Variants in PCDH15 observed in about 807,000 individuals in gnomAD.
PCDH15 encodes the protein protocadherin-15.
A neutral mutation model predicts 178.5 loss-of-function variants in PCDH15; 129 were observed. That is an observed-to-expected ratio of 0.72 (90% CI 0.63 to 0.84). PCDH15 has a LOEUF of 0.84. Ranked by LOEUF, PCDH15 falls within the 40% of genes least tolerant of loss-of-function variation. PCDH15 has a pLI of 0.00. For synonymous variants in PCDH15, 800 were observed against 732.0 expected (o/e 1.09, Z -1.50); for missense variants, 2,230 against 2,099.9 (o/e 1.06, Z -1.21).
intron 2 of PCDH15, among the ~76,000 whole-genome samples, chr10:55,578,511 G>A (rs1298130598): frequency 6.6e-6 from 1 of 152,188 alleles, no homozygotes; most frequent in South Asian, 2.1e-4. Context: ...AAGCCACTGC[G>A]CCCGGCCTGA....
intron 26 of PCDH15, among the ~76,000 whole-genome samples, chr10:53,894,959 G>A (rs894604108): frequency 3.9e-5 from 6 of 152,178 alleles, no homozygotes; most frequent in Admixed American, 1.3e-4. Flanking sequence ...CAGAATGCCA[G>A]GCTGTAAATT....
chr10:55,560,145 T>G (rs1564454360), intron 2 of PCDH15, among the ~76,000 whole-genome samples: 1 of 151,938 alleles, frequency 6.6e-6, no homozygotes, highest in Non-Finnish European at 1.5e-5. Context: ...TTTAGAAATT[T>G]GAATTAAATT....
At chr10:55,426,789 G>A (rs562263492) in intron 2 of PCDH15, among the ~76,000 whole-genome samples, 1 of 152,264 alleles carries the variant, frequency 6.6e-6, no homozygotes, top group East Asian at 1.9e-4. Context: ...AAAGGAGATA[G>A]TGTGGGAAGC....
intron 2 of PCDH15, among the ~76,000 whole-genome samples, chr10:54,937,070 A>G (rs1294590931): frequency 6.6e-6 from 1 of 152,068 alleles, no homozygotes; most frequent in African/African-American, 2.4e-5. Context: ...GTATTTATCC[A>G]CTTGTCTCCA....
intron 2 of PCDH15, among the ~76,000 whole-genome samples, chr10:55,608,604 C>T (rs187004752): frequency 6.6e-6 from 1 of 152,016 alleles, no homozygotes; most frequent in Non-Finnish European, 1.5e-5. Flanking sequence ...TCCTGCCGCT[C>T]ACCACACAGG....
At chr10:55,306,975 G>A (rs1040713519) in intron 1 of PCDH15, among the ~76,000 whole-genome samples, 18 of 151,650 alleles carry the variant, frequency 1.2e-4, no homozygotes, top group Non-Finnish European at 2.5e-4. Context: ...AAAAAGTTGT[G>A]TTCAATATTT....
At chr10:53,982,143 T>C (rs1292906542) in intron 21 of PCDH15, among the ~76,000 whole-genome samples, 1 of 152,010 alleles carries the variant, frequency 6.6e-6, no homozygotes, top group Admixed American at 6.5e-5. Flanking sequence ...CCAGTTAGAA[T>C]GGCAATCATT....
In PCDH15 at chr10:54,308,443, G is replaced by A. The variant is rs185984923; in HGVS notation, c.876+8828C>T. Among the ~76,000 whole-genome samples, 593 of 151,120 alleles carry A rather than the reference G, an allele frequency of 3.9e-3. 6 individuals carry two copies. Among genetic ancestry groups the A allele is most frequent in the Middle Eastern group, 6.8e-3 (2 of 294 alleles). The stretch of plus-strand genomic sequence containing the variant: ...CTCCTTTCGACTGTTTCTTTTTTTT[G>A]CCTCCTTAATAGTTATTTTATACCT... On this transcript the variant is annotated intron_variant, in intron 8 of 37. Coordinates refer to ENST00000644397, the MANE Select transcript of PCDH15 (RefSeq NM_001384140.1).
chr10:55,035,137 A>T (rs537189291), intron 2 of PCDH15, among the ~76,000 whole-genome samples: 1 of 152,300 alleles, frequency 6.6e-6, no homozygotes, highest in East Asian at 1.9e-4. Context: ...TGATCAAGGT[A>T]TGTAATCTAA....
intron 3 of PCDH15, among the ~76,000 whole-genome samples, chr10:54,399,192 C>T (rs548393175): frequency 6.6e-6 from 1 of 152,064 alleles, no homozygotes; most frequent in South Asian, 2.1e-4. Context: ...CAAAACTATG[C>T]TACCTACTCT....
At chr10:54,244,885 TC>T (rs1382447178) in intron 8 of PCDH15, among the ~76,000 whole-genome samples, 2 of 152,168 alleles carry the variant, frequency 1.3e-5, no homozygotes, top group Non-Finnish European at 2.9e-5. Flanking sequence ...AAGGAGACAA[TC>T]TTGGGAGAAT....
intron 1 of PCDH15, among the ~76,000 whole-genome samples, chr10:54,739,853 C>G (rs529857818): frequency 3.5e-4 from 53 of 152,162 alleles, no homozygotes; most frequent in East Asian, 9.6e-4. Flanking sequence ...AAAATAGACT[C>G]TTACCTCTTA....
At chr10:54,759,529 G>A (rs1195414858) in intron 1 of PCDH15, among the ~76,000 whole-genome samples, 1 of 152,134 alleles carries the variant, frequency 6.6e-6, no homozygotes, top group African/African-American at 2.4e-5. Flanking sequence ...CATGTATGCA[G>A]TTCAGTTCCT....
At position 54,698,129 on chromosome 10, in the gene PCDH15, T is replaced by C. The variant is rs541177933; in HGVS notation, c.-28-33839A>G. Among the ~76,000 whole-genome samples the C allele has an allele frequency of 5.3e-5, 8 of 152,168 alleles. No homozygotes were observed. The East Asian group carries it at 5.8e-4, about 11-fold the overall frequency. On this transcript the variant is annotated intron_variant, in intron 1 of 37. Coordinates refer to ENST00000644397, the MANE Select transcript of PCDH15 (RefSeq NM_001384140.1). Reference sequence around the variant, plus strand: ...TACAGCCACCTACAGAAAGGGAAAATCATCCAAACAGAATTTAAGAAAGAA... The same window carrying C: ...TACAGCCACCTACAGAAAGGGAAAACCATCCAAACAGAATTTAAGAAAGAA...
intron 3 of PCDH15, among the ~76,000 whole-genome samples, chr10:54,480,593 A>G (rs936686639): frequency 1.3e-5 from 2 of 152,056 alleles, no homozygotes; most frequent in African/African-American, 4.8e-5. Flanking sequence ...TTTGACAACT[A>G]TCAACCTTAT....
intron 2 of PCDH15, among the ~76,000 whole-genome samples, chr10:54,618,622 A>G (rs1000233746): frequency 6.6e-6 from 1 of 152,122 alleles, no homozygotes; most frequent in Non-Finnish European, 1.5e-5. Flanking sequence ...GTAAATAGAC[A>G]TACATATTCT....
chr10:55,071,033 C>T (rs1841729685), intron 2 of PCDH15, among the ~76,000 whole-genome samples: 1 of 152,076 alleles, frequency 6.6e-6, no homozygotes, highest in Non-Finnish European at 1.5e-5. Flanking sequence ...AAATACTTTA[C>T]AGACAAGCAA....
At chr10:54,059,119 T>C (rs1449093728) in intron 18 of PCDH15, among the ~76,000 whole-genome samples, 1 of 152,206 alleles carries the variant, frequency 6.6e-6, no homozygotes, top group East Asian at 1.9e-4. Context: ...AGAACAACTT[T>C]TTCAGCTCCA....
At chr10:54,421,662 G>GTATATATA (rs1335026971) in intron 3 of PCDH15, among the ~76,000 whole-genome samples, 14 of 70,958 alleles carry the variant, frequency 2.0e-4, no homozygotes, top group African/African-American at 8.4e-4. Context: ...CATGTGTAGT[G>GTATATATA]TATATATACA....
Sources: allele counts gnomAD v4.1 joint callset (sites outside exome capture counted in the v4.1 genomes callset), GRCh38; gene constraint gnomAD v4.1.1; transcripts MANE v1.5; gene names NCBI Gene and HGNC (gene_info 2026-07-23, HGNC 2026-07-21).